Variants in APPBP2 observed in about 807,000 individuals in gnomAD.
APPBP2 encodes amyloid beta precursor protein binding protein 2, also known as amyloid protein-binding protein 2.
In APPBP2, 15 loss-of-function variants were observed where a neutral mutation model predicts 76.0. The ratio of observed to expected loss-of-function variants is 0.20; its 90% CI spans 0.13 to 0.30. APPBP2 has a LOEUF of 0.30. Among genes scored for constraint, APPBP2 ranks in the 10% least tolerant of loss-of-function variants. APPBP2 has a pLI of 1.00. For missense variants in APPBP2, 401 were observed against 687.2 expected (o/e 0.58, Z 4.66); for synonymous variants, 222 against 242.2 (o/e 0.92, Z 0.77).
At chr17:60,522,293 G>A (rs375334712) in intron 1 of APPBP2, among the ~76,000 whole-genome samples, 26 of 152,182 alleles carry the variant, frequency 1.7e-4, no homozygotes, top group African/African-American at 4.3e-4. Flanking sequence ...CCTAATTCAT[G>A]ACAATCATTC....
In APPBP2 at chr17:60,478,726, A is replaced by G. The variant is rs1263633881; in HGVS notation, c.503+422T>C. Among the ~76,000 whole-genome samples the G allele has an allele frequency of 2.0e-5, 3 of 152,174 alleles. No homozygotes were observed. In the East Asian group the frequency reaches 5.8e-4, roughly 29 times the overall value. On this transcript the variant is annotated intron_variant, in intron 4 of 12. Coordinates refer to ENST00000083182, the MANE Select transcript of APPBP2 (RefSeq NM_006380.5). ...CACCTGAAGTCAGGAGTTCGAGACC[A>G]GCCTGACCAACATGGCAAAACCCCA...
chr17:60,494,699 TAATA>T (rs1567934179), intron 2 of APPBP2, 82 bp from the exon 3 acceptor site: 27 of 1,199,252 alleles, frequency 2.3e-5, no homozygotes, highest in Non-Finnish European at 2.3e-5. Context: ...CTCTTTTAAA[TAATA>T]GCACCATTAT....
At chr17:60,457,202 GC>G (rs1389312448) in intron 9 of APPBP2, among the ~76,000 whole-genome samples, 1 of 150,338 alleles carries the variant, frequency 6.7e-6, no homozygotes, top group Non-Finnish European at 1.5e-5. Flanking sequence ...ATGTATTCTT[GC>G]CTGACAAGTT....
intron 1 of APPBP2, among the ~76,000 whole-genome samples, chr17:60,501,876 T>C (rs1468467566): frequency 1.3e-5 from 2 of 152,104 alleles, no homozygotes; most frequent in African/African-American, 4.8e-5. Flanking sequence ...TCGAATTAGG[T>C]AAATATATTA....
chr17:60,499,386 A>AT (rs1380297171), intron 2 of APPBP2, among the ~76,000 whole-genome samples: 1 of 151,194 alleles, frequency 6.6e-6, no homozygotes, highest in African/African-American at 2.4e-5. Flanking sequence ...AAAACTGGAA[A>AT]TAAGAGTTGG....
chr17:60,474,908 T>C (rs927545504), intron 4 of APPBP2, among the ~76,000 whole-genome samples: 16 of 152,234 alleles, frequency 1.1e-4, no homozygotes, highest in African/African-American at 3.6e-4. Flanking sequence ...TTTAAGAACT[T>C]AAATAAAAGT....
chr17:60,471,131 C>A (rs532838259), intron 4 of APPBP2, among the ~76,000 whole-genome samples: 75 of 152,098 alleles, frequency 4.9e-4, no homozygotes, highest in African/African-American at 1.8e-3. Context: ...AGTTGTAGTT[C>A]TTGATATATT....
intron 12 of APPBP2, among the ~76,000 whole-genome samples, chr17:60,449,098 G>T (rs116313142): frequency 1.3e-5 from 2 of 151,918 alleles, no homozygotes; most frequent in Non-Finnish European, 2.9e-5. Context: ...TACTACCTTC[G>T]GGCTAGAGAA....
chr17:60,490,231 A>C (rs1423660282), intron 3 of APPBP2, among the ~76,000 whole-genome samples: 1 of 152,182 alleles, frequency 6.6e-6, no homozygotes, highest in Non-Finnish European at 1.5e-5. Flanking sequence ...TAGTCTAGTT[A>C]ATGGTATAAC....
In APPBP2 at chr17:60,445,530, A is replaced by G. The variant is rs2090338831; in HGVS notation, c.*2051T>C. 6.6e-6 allele frequency: 1 copy of G among 152,630 alleles called. No individual in the cohort carries two copies. The highest frequency in any genetic ancestry group is 1.5e-5 in the Non-Finnish European group (1 of 68,026). The allele number at this position is 152,630 out of a possible 1,614,324, so 9.5% of individuals were successfully genotyped here. A position where few individuals can be genotyped will look rare whatever the true frequency, so the allele number is the denominator to read the frequency against. ...GACATTCCTATACCACAAACATACC[A>G]CTGGATTCTAAATAACCAATAAAAG... On this transcript the variant is annotated 3_prime_UTR_variant, in exon 13 of 13. Coordinates refer to ENST00000083182, the MANE Select transcript of APPBP2 (RefSeq NM_006380.5).
chr17:60,492,847 C>T (rs59713752), intron 3 of APPBP2, among the ~76,000 whole-genome samples: 1 of 151,956 alleles, frequency 6.6e-6, no homozygotes, highest in African/African-American at 2.4e-5. Context: ...AGGACTGTTG[C>T]GAAGGCATGA....
chr17:60,514,773 A>T (rs1181209267), intron 1 of APPBP2, among the ~76,000 whole-genome samples: 3 of 152,300 alleles, frequency 2.0e-5, no homozygotes, highest in Admixed American at 2.0e-4. Context: ...AAAGCATGAC[A>T]ATCTGACAGG....
intron 4 of APPBP2, among the ~76,000 whole-genome samples, chr17:60,476,168 G>T (rs2090589525): frequency 6.6e-6 from 1 of 152,116 alleles, no homozygotes; most frequent in Non-Finnish European, 1.5e-5. Context: ...AGTCTCCAAA[G>T]AATACAAAAG....
At chr17:60,519,778 ATTT>A (rs748167583) in intron 1 of APPBP2, among the ~76,000 whole-genome samples, 10 of 117,822 alleles carry the variant, frequency 8.5e-5, no homozygotes, top group Non-Finnish European at 1.0e-4. Flanking sequence ...GCCAAATTTA[ATTT>A]TTTTTTTTTT....
Position 60,443,171 on chromosome 17 carries a change from T to G in APPBP2, c.*4410A>C, listed in dbSNP as rs2090316061. 1 of 152,654 alleles carries G rather than the reference T, an allele frequency of 6.6e-6. No individual in the cohort carries two copies. Among genetic ancestry groups the G allele is most frequent in the African/African-American group, 2.4e-5 (1 of 41,460 alleles). The allele number at this position is 152,654 out of a possible 1,614,324, so 9.5% of individuals were successfully genotyped here. On this transcript the variant is annotated 3_prime_UTR_variant, in exon 13 of 13. Coordinates refer to ENST00000083182, the MANE Select transcript of APPBP2 (RefSeq NM_006380.5). ...ATACACTATGAATGCAGGAACACTATATTTATTAGGTCAATAATTCATTTT... is the reference window on the plus strand; with the variant it reads ...ATACACTATGAATGCAGGAACACTAGATTTATTAGGTCAATAATTCATTTT...
chr17:60,476,412 C>T (rs1021476242), intron 4 of APPBP2, among the ~76,000 whole-genome samples: 15 of 152,092 alleles, frequency 9.9e-5, no homozygotes, highest in Non-Finnish European at 1.9e-4. Context: ...CAATTAAACA[C>T]ATGGTCAATT....
At chr17:60,471,408 G>A (rs1307386102) in intron 4 of APPBP2, among the ~76,000 whole-genome samples, 1 of 152,082 alleles carries the variant, frequency 6.6e-6, no homozygotes, top group Non-Finnish European at 1.5e-5. Flanking sequence ...TATGGGGGAA[G>A]CTTCTAGTCT....
At chr17:60,484,166 C>T (rs1035037574) in intron 3 of APPBP2, among the ~76,000 whole-genome samples, 38 of 152,184 alleles carry the variant, frequency 2.5e-4, no homozygotes, top group African/African-American at 8.7e-4. Context: ...TAGTGTGATG[C>T]CTCCAGCTTT....
Position 60,452,934 on chromosome 17 carries a change from A to T in APPBP2, c.1339-889T>A, listed in dbSNP as rs181012780. Among the ~76,000 whole-genome samples, 532 of 152,240 alleles carry T rather than the reference A, an allele frequency of 3.5e-3. 4 individuals carry two copies. The highest frequency in any genetic ancestry group is 0.012 in the African/African-American group (506 of 41,540). On this transcript the variant is annotated intron_variant, in intron 11 of 12. Coordinates refer to ENST00000083182, the MANE Select transcript of APPBP2 (RefSeq NM_006380.5). ...GGACAACAGAGTAAGAACCCATATT[A>T]AAAAATATATATATAACTCAAAATT...
Sources: allele counts gnomAD v4.1 joint callset (sites outside exome capture counted in the v4.1 genomes callset), GRCh38; gene constraint gnomAD v4.1.1; transcripts MANE v1.5; gene names NCBI Gene and HGNC (gene_info 2026-07-23, HGNC 2026-07-21).